Variants in PTCHD1 observed in about 807,000 individuals in gnomAD.
PTCHD1 encodes the protein patched domain-containing protein 1.
In PTCHD1, 3 loss-of-function variants were observed where a neutral mutation model predicts 34.6. That is an observed-to-expected ratio of 0.09 (90% CI 0.04 to 0.22). The LOEUF (loss-of-function observed/expected upper bound fraction) is 0.22. Among genes scored for constraint, PTCHD1 ranks in the 10% least tolerant of loss-of-function variants. The pLI, the probability that PTCHD1 is intolerant of heterozygous loss-of-function variation, is 1.00. For synonymous variants in PTCHD1, 305 were observed against 283.1 expected (o/e 1.08, Z -0.77); for missense variants, 504 against 685.5 (o/e 0.74, Z 2.96).
chrX:23,361,231 C>A (rs1407153632), intron 1 of PTCHD1, among the ~76,000 whole-genome samples: 1 of 111,462 alleles, frequency 9.0e-6, no homozygotes, highest in African/African-American at 3.3e-5. Context: ...ATTGATCTGT[C>A]TAATATTGAC....
chrX:23,362,295 C>T (rs1279714735), intron 1 of PTCHD1, among the ~76,000 whole-genome samples: 1 of 112,234 alleles, frequency 8.9e-6, no homozygotes, highest in African/African-American at 3.2e-5. Flanking sequence ...ACCAATCAAA[C>T]GTAGATTTGG....
At chrX:23,351,312 T>C (rs1051812648) in intron 1 of PTCHD1, 123 of 865,413 alleles carry the variant, frequency 1.4e-4, no homozygotes, top group South Asian at 1.9e-4. Flanking sequence ...ACTTACACAA[T>C]TTTGCTTCAT....
chrX:23,377,833 G>C (rs1481792934), intron 1 of PTCHD1, among the ~76,000 whole-genome samples: 1 of 111,230 alleles, frequency 9.0e-6, no homozygotes, highest in Non-Finnish European at 1.9e-5. Context: ...CACTCATCCA[G>C]GCACATGCGC....
intron 2 of PTCHD1, among the ~76,000 whole-genome samples, chrX:23,385,867 ATATATAT>A (rs1922675246): frequency 9.0e-6 from 1 of 111,156 alleles, no homozygotes; most frequent in Non-Finnish European, 1.9e-5. Flanking sequence ...TATGTGCATA[ATATATAT>A]TATATATCAC....
chrX:23,344,230 T>C (rs1300936328), intron 1 of PTCHD1, among the ~76,000 whole-genome samples: 1 of 112,146 alleles, frequency 8.9e-6, no homozygotes, highest in Non-Finnish European at 1.9e-5. Flanking sequence ...CTCCTAAGTA[T>C]GTATCTTTGG....
chrX:23,344,478 A>T (rs1921422953), intron 1 of PTCHD1, among the ~76,000 whole-genome samples: 2 of 112,356 alleles, frequency 1.8e-5, no homozygotes, highest in East Asian at 2.8e-4. Flanking sequence ...ATACACATGT[A>T]GCCACTTTTT....
intron 1 of PTCHD1, among the ~76,000 whole-genome samples, chrX:23,376,666 G>A (rs370968246): frequency 2.1e-4 from 24 of 112,243 alleles, no homozygotes; most frequent in African/African-American, 6.5e-4. Context: ...AGAAGTCACA[G>A]AAGGGAGTCT....
At chrX:23,384,007 C>G (rs1459710933) in intron 2 of PTCHD1, among the ~76,000 whole-genome samples, 1 of 112,095 alleles carries the variant, frequency 8.9e-6, no homozygotes, top group Admixed American at 9.5e-5. Flanking sequence ...CATAGGTTTT[C>G]TGTGTGCAAG....
chrX:23,392,070 C>CTTTTTTTTTTTTTTTT (rs1464413678), intron 2 of PTCHD1, among the ~76,000 whole-genome samples: 1 of 39,476 alleles, frequency 2.5e-5, no homozygotes, highest in African/African-American at 2.3e-4. Context: ...TTCTTTCTTT[C>CTTTTTTTTTTTTTTTT]TTTCTTTTTT....
At chrX:23,373,380 G>A (rs1922325567) in intron 1 of PTCHD1, among the ~76,000 whole-genome samples, 1 of 112,847 alleles carries the variant, frequency 8.9e-6, no homozygotes, top group South Asian at 3.6e-4. Context: ...TTTGTCACTG[G>A]AGCAGGTGAG....
chrX:23,379,083 A>G (rs1289655742), intron 1 of PTCHD1, among the ~76,000 whole-genome samples: 1 of 112,216 alleles, frequency 8.9e-6, no homozygotes, highest in East Asian at 2.8e-4. Context: ...TTAAAGGACG[A>G]GCCAGCAGAG....
chrX:23,387,894 C>A (rs1450411761), intron 2 of PTCHD1, among the ~76,000 whole-genome samples: 2 of 111,937 alleles, frequency 1.8e-5, no homozygotes, highest in Non-Finnish European at 3.8e-5. Context: ...GCATTTTTAT[C>A]TTCAAAATCT....
intron 1 of PTCHD1, among the ~76,000 whole-genome samples, chrX:23,374,670 A>G (rs1027579068): frequency 2.7e-5 from 3 of 109,319 alleles, no homozygotes; most frequent in African/African-American, 1.0e-4. Flanking sequence ...CATCTATCAG[A>G]TCGGATTGCC....
At chrX:23,377,760 G>C (rs994297044) in intron 1 of PTCHD1, among the ~76,000 whole-genome samples, 2 of 111,711 alleles carry the variant, frequency 1.8e-5, no homozygotes, top group African/African-American at 6.5e-5. Flanking sequence ...CTCATGCTCT[G>C]TGCTAATGAA....
intron 1 of PTCHD1, among the ~76,000 whole-genome samples, chrX:23,371,964 C>G (rs1007571890): frequency 1.1e-4 from 12 of 111,179 alleles, no homozygotes; most frequent in Non-Finnish European, 1.7e-4. Context: ...TTATTATATT[C>G]ATGTGTTTAC....
chrX:23,351,078 C>A, intron 1 of PTCHD1: 1 of 457,335 alleles, frequency 2.2e-6, no homozygotes, highest in South Asian at 4.3e-5. Context: ...TATGATTTGT[C>A]ATGAATGGGA....
At chrX:23,360,279 G>C (rs1018189433) in intron 1 of PTCHD1, among the ~76,000 whole-genome samples, 1 of 111,272 alleles carries the variant, frequency 9.0e-6, no homozygotes, top group Non-Finnish European at 1.9e-5. Flanking sequence ...TCTGTTCCTG[G>C]ACTTTTTTTT....
chrX:23,392,917 G>A lies in PTCHD1; in HGVS notation c.1399G>A (p.Glu467Lys). The A allele has an allele frequency of 8.2e-7, 1 of 1,212,345 alleles. No homozygotes were observed. Among genetic ancestry groups the A allele is most frequent in the Non-Finnish European group, 1.1e-6 (1 of 895,661 alleles). The part of the protein sequence containing the change: ...YRFLLTARFS[E>K]DTAEGEEANT... ...GTTTCTCCTGACGGCCAGATTCAGT[G>A]AGGACACAGCTGAAGGCGAGGAAGC... The change falls in exon 3 of 3, where the codon GAG becomes AAG. Residue 467 changes from glutamate (E) to lysine (K), a missense_variant. By Grantham distance (56) the Glu-to-Lys change is moderately conservative. Coordinates refer to ENST00000379361, the MANE Select transcript of PTCHD1 (RefSeq NM_173495.3).
At chrX:23,348,182 G>A (rs774561733) in intron 1 of PTCHD1, among the ~76,000 whole-genome samples, 2 of 109,080 alleles carry the variant, frequency 1.8e-5, no homozygotes, top group African/African-American at 6.7e-5. Context: ...GAACTCATCA[G>A]TAGACTTAAC....
Sources: allele counts gnomAD v4.1 joint callset (sites outside exome capture counted in the v4.1 genomes callset), GRCh38; gene constraint gnomAD v4.1.1; transcripts MANE v1.5; gene names NCBI Gene and HGNC (gene_info 2026-07-23, HGNC 2026-07-21).